The following GLIS3 variants were observed in gnomAD, a reference collection of about 807,000 sequenced individuals.
GLIS3 encodes zinc finger protein GLIS3.
A neutral mutation model predicts 78.6 loss-of-function variants in GLIS3; 53 were observed. The observed-to-expected ratio is 0.67, with a 90% CI of 0.54 to 0.85. GLIS3 has a LOEUF of 0.85. Among genes scored for constraint, GLIS3 ranks in the 40% least tolerant of loss-of-function variants. The probability of loss-of-function intolerance (pLI) is 0.00; values close to 1 mark genes in which losing one functional copy is unlikely to be tolerated. For missense variants in GLIS3, 1,703 were observed against 1,231.1 expected, an observed-to-expected ratio of 1.38 and a Z score of -5.74; for synonymous variants, 684 against 509.9, an observed-to-expected ratio of 1.34 and a Z score of -4.60.
intron 4 of GLIS3, among the ~76,000 whole-genome samples, chr9:3,968,706 C>A (rs1458288091): frequency 2.0e-5 from 3 of 151,972 alleles, no homozygotes; most frequent in Admixed American, 2.0e-4. Flanking sequence ...AATGATAGTA[C>A]AATTCAGTTA....
intron 5 of GLIS3, among the ~76,000 whole-genome samples, chr9:3,934,970 G>A (rs1315900818): frequency 6.6e-6 from 1 of 152,132 alleles, no homozygotes; most frequent in Admixed American, 6.5e-5. Context: ...TTACTGTGTA[G>A]ATATTAAGAT....
intron 2 of GLIS3, among the ~76,000 whole-genome samples, chr9:4,259,809 T>C (rs1170818922): frequency 6.6e-6 from 1 of 152,226 alleles, no homozygotes; most frequent in African/African-American, 2.4e-5. Flanking sequence ...TTTTGAGCCT[T>C]TCTGGAATTA....
intron 2 of GLIS3, among the ~76,000 whole-genome samples, chr9:4,253,009 C>G (rs1399320590): frequency 6.6e-6 from 1 of 152,206 alleles, no homozygotes; most frequent in Non-Finnish European, 1.5e-5. Flanking sequence ...GGGCACCTGC[C>G]AGATGCCAGC....
At chr9:4,272,710 T>G (rs75512377) in intron 2 of GLIS3, among the ~76,000 whole-genome samples, 2,750 of 152,320 alleles carry the variant, frequency 0.018, 90 homozygotes, top group African/African-American at 0.063. Flanking sequence ...CTGGCCCCAA[T>G]AAGTAATTTT....
At position 4,117,927 on chromosome 9, in the gene GLIS3, G is replaced by A. The variant is rs755946110; in HGVS notation, c.1551C>T (p.Leu517=). ...TGTGGACCTTCTCGATGTGCCGCACGAGCTCCTCCTGCTGGTCGTACAGGG... is the reference window on the plus strand; with the variant it reads ...TGTGGACCTTCTCGATGTGCCGCACAAGCTCCTCCTGCTGGTCGTACAGGG... ...CSALYDQQEE[L]VRHIEKVHID... Residue 517 remains leucine, a synonymous_variant, in exon 4 of 11, where the codon CTC becomes CTT. Transcript: ENST00000381971. 3.1e-6 allele frequency: 5 copies of A among 1,614,112 alleles called. No individual in the cohort carries two copies. Among genetic ancestry groups the A allele is most frequent in the African/African-American group, 1.3e-5 (1 of 75,046 alleles).
At chr9:4,261,469 G>A (rs552098279) in intron 2 of GLIS3, among the ~76,000 whole-genome samples, 1 of 152,290 alleles carries the variant, frequency 6.6e-6, no homozygotes, top group South Asian at 2.1e-4. Flanking sequence ...AAGAAACAGA[G>A]GTAGGGAAGA....
intron 8 of GLIS3, among the ~76,000 whole-genome samples, chr9:3,862,947 T>C (rs1036328318): frequency 2.0e-4 from 31 of 152,090 alleles, no homozygotes; most frequent in African/African-American, 7.5e-4. Context: ...TTGTGGGGTA[T>C]CATCTGTGGC....
chr9:4,007,726 C>T (rs867123481), intron 4 of GLIS3, among the ~76,000 whole-genome samples: 1 of 152,118 alleles, frequency 6.6e-6, no homozygotes, highest in African/African-American at 2.4e-5. Flanking sequence ...AAAGATCACA[C>T]ACACAAATGT....
intron 4 of GLIS3, among the ~76,000 whole-genome samples, chr9:4,099,693 C>A (rs185284608): frequency 2.0e-5 from 3 of 152,272 alleles, no homozygotes; most frequent in African/African-American, 7.2e-5. Flanking sequence ...CTCTCTAAGT[C>A]CCTTCCCAAC....
At chr9:4,422,341 AAGAC>A in the GLIS3 span, among the ~76,000 whole-genome samples, 2 of 152,238 alleles carry the variant, frequency 1.3e-5, no homozygotes, top group Admixed American at 6.5e-5. Context: ...TTGTCCTAGT[AAGAC>A]AGACAGGCCT....
intron 4 of GLIS3, among the ~76,000 whole-genome samples, chr9:4,095,266 T>G (rs2130774835): frequency 6.6e-6 from 1 of 152,290 alleles, no homozygotes; most frequent in East Asian, 1.9e-4. Context: ...TGGACATAAA[T>G]GTTTTAACCG....
At chr9:3,835,964 T>C (rs761177991) in intron 9 of GLIS3, among the ~76,000 whole-genome samples, 4 of 152,188 alleles carry the variant, frequency 2.6e-5, no homozygotes, top group Non-Finnish European at 4.4e-5. Context: ...CATAATTTCA[T>C]ACTACATATG....
intron 2 of GLIS3, among the ~76,000 whole-genome samples, chr9:4,339,606 T>G (rs914838043): frequency 1.3e-5 from 2 of 150,226 alleles, no homozygotes; most frequent in South Asian, 4.3e-4. Context: ...GTCTCTGTTG[T>G]GTGTATTTAG....
intron 2 of GLIS3, among the ~76,000 whole-genome samples, chr9:4,151,207 T>A (rs534329846): frequency 6.6e-6 from 1 of 152,188 alleles, no homozygotes; most frequent in Admixed American, 6.5e-5. Context: ...CTCTTCCAAG[T>A]GTCTTTGAGC....
At chr9:4,361,858 A>G in the GLIS3 span, among the ~76,000 whole-genome samples, 11 of 152,200 alleles carry the variant, frequency 7.2e-5, no homozygotes, top group African/African-American at 1.9e-4. Context: ...TCTTTCCCCA[A>G]TGGTAAAGGG....
At chr9:4,242,262 A>G (rs1823389266) in intron 2 of GLIS3, among the ~76,000 whole-genome samples, 1 of 152,110 alleles carries the variant, frequency 6.6e-6, no homozygotes, top group South Asian at 2.1e-4. Context: ...GCCGTCTTTT[A>G]TCTTCTAATT....
rs562468606 is a variant in GLIS3, at chr9:4,338,023, GCTGTGTGTGTGTGTGT to G, written n.264+9042_264+9057del. 8.2e-3 allele frequency among the ~76,000 whole-genome samples: 951 copies of G among 115,802 alleles called. 12 individuals are homozygous for G. The highest frequency in any genetic ancestry group is 0.03 in the African/African-American group (872 of 28,906). 76.0% of individuals were successfully genotyped at this position (115,802 alleles called of 152,430 possible). A position where few individuals can be genotyped will look rare whatever the true frequency, so the allele number is the denominator to read the frequency against. On this transcript the variant is annotated intron_variant and non_coding_transcript_variant, in intron 2 of 4. Transcript: ENST00000471664. ...ATGTCTAACTGGTAAGATTGGCAAGGCTGTGTGTGTGTGTGTGTGTGTGTGTGTGTGTGTGTGTGTT... is the reference window on the plus strand; with the variant it reads ...ATGTCTAACTGGTAAGATTGGCAAGGGTGTGTGTGTGTGTGTGTGTGTGTT...
chr9:4,000,105 T>C (rs1821028360), intron 4 of GLIS3, among the ~76,000 whole-genome samples: 1 of 152,134 alleles, frequency 6.6e-6, no homozygotes, highest in African/African-American at 2.4e-5. Flanking sequence ...AAATGAATAA[T>C]AAAATTTGGT....
At chr9:3,847,620 A>G (rs1220011760) in intron 9 of GLIS3, among the ~76,000 whole-genome samples, 1 of 152,266 alleles carries the variant, frequency 6.6e-6, no homozygotes, top group African/African-American at 2.4e-5. Context: ...TTCACAGTTC[A>G]GTCATTTCCA....
Sources: gnomAD v4.1 joint callset for allele counts (sites outside exome capture counted in the v4.1 genomes callset) on GRCh38, gnomAD v4.1.1 for gene constraint, MANE v1.5 for transcripts, NCBI Gene and HGNC (gene_info 2026-07-23, HGNC 2026-07-21) for gene names.